ESCO2: variants seen among roughly 807,000 people sequenced by gnomAD.
The protein encoded by ESCO2 is establishment of sister chromatid cohesion N-acetyltransferase 2.
Under a neutral mutation model 61.7 loss-of-function variants are expected in ESCO2, and 51 were observed. The ratio of observed to expected loss-of-function variants is 0.83; its 90% CI spans 0.66 to 1.04. ESCO2 has a LOEUF of 1.04. Among genes scored for constraint, ESCO2 ranks in the 50% least tolerant of loss-of-function variants. ESCO2 has a pLI of 0.00. For synonymous variants in ESCO2, 230 were observed against 238.2 expected, an observed-to-expected ratio of 0.97 and a Z score of 0.32; for missense variants, 692 against 686.2, an observed-to-expected ratio of 1.01 and a Z score of -0.09.
chr8:27,810,984 TTAA>T (rs1805668388), downstream of ESCO2: 5 of 1,607,426 alleles, frequency 3.1e-6, no homozygotes, highest in South Asian at 5.5e-5. Flanking sequence ...ATTTGAAAGA[TTAA>T]TGTGTGGAAT....
intron 9 of ESCO2, among the ~76,000 whole-genome samples, chr8:27,793,471 T>C (rs1563477659): frequency 7.0e-6 from 1 of 143,264 alleles, no homozygotes; most frequent in African/African-American, 2.6e-5. Context: ...GCAATTTTCT[T>C]TTTCTTTGTT....
chr8:27,778,839 C>A (rs968649945), intron 3 of ESCO2: 1 of 152,106 alleles, frequency 6.6e-6, no homozygotes, highest in Non-Finnish European at 1.5e-5. Context: ...ATTTGTGGAA[C>A]GGGGCTATGC....
rs1563483245 is a variant in ESCO2 at position 27,803,909 on chromosome 8, T to TCA, written c.*471_*472insCA. On this transcript the variant is annotated 3_prime_UTR_variant, in exon 11 of 11. Transcript: ENST00000305188. The stretch of plus-strand genomic sequence containing the variant: ...TTTGTAAAGGGAATTCCTGAATTTT[T>TCA]TTTTTTTTTTAATAGAGGCATGGGT... 8.5e-5 allele frequency: 84 copies of TCA among 992,616 alleles called. 1 individual carries two copies. The South Asian group carries it at 3.2e-3, about 38-fold the overall frequency. The allele number at this position is 992,616 out of a possible 1,614,324, so 61.5% of individuals were successfully genotyped here.
chr8:27,788,855 T>C lies in ESCO2; in HGVS notation c.1140T>C (p.Gly380=), dbSNP rs1805109419. The C allele has an allele frequency of 1.2e-6, 2 of 1,614,098 alleles. No individual in the cohort carries two copies. Among genetic ancestry groups the C allele is most frequent in the Non-Finnish European group, 1.7e-6 (2 of 1,179,988 alleles). The part of the protein sequence containing the change: ...KTKDQLIIDA[G]QKHFGATVCK... ...TTACCCCCCAATTATAGGACGCTGGTCAGAAACATTTTGGGGCTACTGTGT... is the reference window on the plus strand; with the variant it reads ...TTACCCCCCAATTATAGGACGCTGGCCAGAAACATTTTGGGGCTACTGTGT... The change falls in exon 7 of 11, where the codon GGT becomes GGC. Residue 380 remains glycine, a synonymous_variant. Transcript: ENST00000305188.
chr8:27,799,639 C>T lies in ESCO2; in HGVS notation c.1596C>T (p.Val532=), dbSNP rs774261957. The part of the protein sequence containing the change: ...WQCSDVPEPA[V]CGISRIWVFR... ...GTTCAGATGTACCAGAACCTGCAGTCTGTGGGATAAGTAGAATCTGGGTTT... is the reference window on the plus strand; with the variant it reads ...GTTCAGATGTACCAGAACCTGCAGTTTGTGGGATAAGTAGAATCTGGGTTT... Residue 532 remains valine, a synonymous_variant, in exon 10 of 11, where the codon GTC becomes GTT. Coordinates refer to ENST00000305188, the MANE Select transcript of ESCO2 (RefSeq NM_001017420.3). 1 of 1,613,802 alleles carries T rather than the reference C, an allele frequency of 6.2e-7. No homozygotes were observed. Among genetic ancestry groups the T allele is most frequent in the Admixed American group, 1.7e-5 (1 of 59,968 alleles).
intron 9 of ESCO2, 59 bp downstream of exon 9, chr8:27,792,870 G>A (rs577238594): frequency 1.3e-6 from 2 of 1,515,868 alleles, no homozygotes; most frequent in African/African-American, 1.4e-5. Flanking sequence ...AAGAAAAGTT[G>A]GGAGAAGTCT....
upstream of ESCO2, among the ~76,000 whole-genome samples, chr8:27,773,448 T>A (rs1372734057): frequency 6.9e-6 from 1 of 144,942 alleles, no homozygotes; most frequent in Non-Finnish European, 1.5e-5. Context: ...AGAGCTCATA[T>A]CCAAGCCTGC....
In ESCO2 at chr8:27,792,700, A is replaced by G. The variant is rs765000674; in HGVS notation, c.1386A>G (p.Glu462=). ...VEDVQELVDN[E]LGFQQVVPKC... Reference sequence around the variant, plus strand: ...ATGTCCAAGAACTTGTTGATAATGAATTGGGCTTCCAGCAAGTTGTTCCTA... The same window carrying G: ...ATGTCCAAGAACTTGTTGATAATGAGTTGGGCTTCCAGCAAGTTGTTCCTA... The change falls in exon 9 of 11, where the codon GAA becomes GAG. Residue 462 remains glutamate, a synonymous_variant. Transcript: ENST00000305188. 7 of 1,612,742 alleles carry G rather than the reference A, an allele frequency of 4.3e-6. No individual in the cohort carries two copies. Among genetic ancestry groups the G allele is most frequent in the Non-Finnish European group, 4.2e-6 (5 of 1,179,686 alleles).
chr8:27,797,117 A>AG (rs1281906682), intron 9 of ESCO2, among the ~76,000 whole-genome samples: 1 of 147,210 alleles, frequency 6.8e-6, no homozygotes, highest in African/African-American at 2.6e-5. Flanking sequence ...CTCTTAAGAA[A>AG]GAAAAAAAAA....
intron 10 of ESCO2, among the ~76,000 whole-genome samples, chr8:27,801,051 C>G (rs934323607): frequency 1.3e-5 from 2 of 151,978 alleles, no homozygotes; most frequent in African/African-American, 4.8e-5. Flanking sequence ...TACACAAAAC[C>G]ACTCTGTTGT....
chr8:27,775,139 A>AGG (rs1414237683), intron 1 of ESCO2, among the ~76,000 whole-genome samples: 1 of 152,242 alleles, frequency 6.6e-6, no homozygotes, highest in Non-Finnish European at 1.5e-5. Context: ...TTTTATAAAA[A>AGG]GGGAAGCAAA....
chr8:27,775,940 A>C (rs1435454721), intron 2 of ESCO2, among the ~76,000 whole-genome samples: 1 of 152,212 alleles, frequency 6.6e-6, no homozygotes, highest in African/African-American at 2.4e-5. Context: ...GTCTGGAAAC[A>C]ATTCTAGAAA....
chr8:27,790,165 C>T (rs988153894), intron 7 of ESCO2, among the ~76,000 whole-genome samples: 3 of 152,216 alleles, frequency 2.0e-5, no homozygotes, highest in Admixed American at 6.5e-5. Flanking sequence ...TAAGCTCCTG[C>T]CGCTGGAATA....
At chr8:27,799,421 T>A in intron 9 of ESCO2, 120 bp from the exon 10 acceptor site, 1 of 1,035,842 alleles carries the variant, frequency 9.7e-7, no homozygotes, top group South Asian at 1.3e-5. Context: ...ATAGAAAATA[T>A]TTTTTAACAT....
At chr8:27,802,490 C>T (rs1442301842) in intron 10 of ESCO2, among the ~76,000 whole-genome samples, 1 of 146,636 alleles carries the variant, frequency 6.8e-6, no homozygotes, top group African/African-American at 2.5e-5. Flanking sequence ...GCCTGTAATC[C>T]CAGCTACTCG....
At chr8:27,798,295 AC>A (rs760791742) in intron 9 of ESCO2, among the ~76,000 whole-genome samples, 2 of 152,132 alleles carry the variant, frequency 1.3e-5, no homozygotes, top group Non-Finnish European at 2.9e-5. Context: ...CCCCGCCTCT[AC>A]TAAAAATACA....
chr8:27,789,980 C>G (rs1805139409), intron 7 of ESCO2, among the ~76,000 whole-genome samples: 1 of 152,186 alleles, frequency 6.6e-6, no homozygotes, highest in African/African-American at 2.4e-5. Flanking sequence ...CTGATCTGAT[C>G]TCTACATCAG....
Position 27,804,650 on chromosome 8 carries a change from C to G in ESCO2, c.*1212C>G. 2.0e-6 allele frequency: 2 copies of G among 985,210 alleles called. No homozygotes were observed. Among genetic ancestry groups the G allele is most frequent in the Non-Finnish European group, 1.2e-6 (1 of 829,918 alleles). 61.0% of individuals were successfully genotyped at this position (985,210 alleles called of 1,614,324 possible). On this transcript the variant is annotated 3_prime_UTR_variant, in exon 11 of 11. Coordinates refer to ENST00000305188, the MANE Select transcript of ESCO2 (RefSeq NM_001017420.3). Reference sequence around the variant, plus strand: ...ATAAGACTCTAGGCAAGTCGTTTTCCAGATTGTAATTATATGTAGAAACTA... The same window carrying G: ...ATAAGACTCTAGGCAAGTCGTTTTCGAGATTGTAATTATATGTAGAAACTA...
downstream of ESCO2, among the ~76,000 whole-genome samples, chr8:27,812,938 A>T (rs1248528889): frequency 6.6e-6 from 1 of 152,232 alleles, no homozygotes; most frequent in African/African-American, 2.4e-5. Context: ...TAGAACTAGA[A>T]ATACCATTTG....
Sources: gnomAD v4.1 joint callset for allele counts (sites outside exome capture counted in the v4.1 genomes callset) on GRCh38, gnomAD v4.1.1 for gene constraint, MANE v1.5 for transcripts, NCBI Gene and HGNC (gene_info 2026-07-23, HGNC 2026-07-21) for gene names.